Variants in RBFOX1 observed in about 807,000 individuals in gnomAD.
The protein encoded by RBFOX1 is RNA binding fox-1 homolog 1.
RBFOX1 carries 8 observed loss-of-function variants against 57.7 expected under a neutral mutation model. That is an observed-to-expected ratio of 0.14 (90% CI 0.08 to 0.25). RBFOX1 has a LOEUF of 0.25. RBFOX1 is among the 10% of genes least tolerant of loss of function. The probability of loss-of-function intolerance (pLI) is 1.00; values close to 1 mark genes in which losing one functional copy is unlikely to be tolerated. For missense variants in RBFOX1, 611 were observed against 548.5 expected, an observed-to-expected ratio of 1.11 and a Z score of -1.14; for synonymous variants, 326 against 222.4, an observed-to-expected ratio of 1.47 and a Z score of -4.15.
At chr16:7,188,871 A>G (rs1273669362) in intron 4 of RBFOX1, among the ~76,000 whole-genome samples, 1 of 152,152 alleles carries the variant, frequency 6.6e-6, no homozygotes, top group African/African-American at 2.4e-5. Flanking sequence ...ACATCAAGAA[A>G]AAGGTTTAAG....
In RBFOX1 at chr16:6,898,702, G is replaced by A. The variant is rs143117428; in HGVS notation, c.-15-153355G>A. 1.3e-3 allele frequency among the ~76,000 whole-genome samples: 204 copies of A among 152,106 alleles called. 1 individual carries two copies. Among genetic ancestry groups the A allele is most frequent in the Middle Eastern group, 3.4e-3 (1 of 294 alleles). On this transcript the variant is annotated intron_variant, in intron 3 of 15. Transcript: ENST00000550418. The stretch of plus-strand genomic sequence containing the variant: ...TACATGTGTATATACGTGTGTATGT[G>A]TCTATAATATATGTGTGTATGTGTA...
At chr16:7,141,947 G>A (rs1488472103) in intron 4 of RBFOX1, among the ~76,000 whole-genome samples, 3 of 151,970 alleles carry the variant, frequency 2.0e-5, no homozygotes, top group African/African-American at 4.8e-5. Flanking sequence ...ATGTTTCAGC[G>A]GGATCCTATT....
At chr16:6,026,263 G>C (rs2095192013) in intron 1 of RBFOX1, among the ~76,000 whole-genome samples, 1 of 152,180 alleles carries the variant, frequency 6.6e-6, no homozygotes, top group South Asian at 2.1e-4. Flanking sequence ...TGTCTCCTTA[G>C]CATCTAGCGT....
chr16:6,797,877 GTAGC>G (rs2084454681), intron 3 of RBFOX1, among the ~76,000 whole-genome samples: 1 of 152,092 alleles, frequency 6.6e-6, no homozygotes, highest in South Asian at 2.1e-4. Context: ...CTACTAACTG[GTAGC>G]TAGCTGACTT....
intron 4 of RBFOX1, among the ~76,000 whole-genome samples, chr16:7,118,276 G>C (rs959100509): frequency 1.3e-5 from 2 of 152,082 alleles, no homozygotes; most frequent in Non-Finnish European, 2.9e-5. Context: ...TTTAACAGTG[G>C]TCATTCTGGC....
At chr16:6,812,113 A>G (rs2088806944) in intron 3 of RBFOX1, among the ~76,000 whole-genome samples, 1 of 152,154 alleles carries the variant, frequency 6.6e-6, no homozygotes, top group Non-Finnish European at 1.5e-5. Context: ...CCTTCACGAG[A>G]AACTCACTAC....
chr16:7,407,898 C>T (rs1227319008), intron 4 of RBFOX1, among the ~76,000 whole-genome samples: 1 of 152,176 alleles, frequency 6.6e-6, no homozygotes, highest in African/African-American at 2.4e-5. Flanking sequence ...TATGGGAACA[C>T]AGCCATGCCC....
chr16:7,706,807 C>G (rs1239435363), intron 14 of RBFOX1, among the ~76,000 whole-genome samples: 3 of 152,118 alleles, frequency 2.0e-5, no homozygotes, highest in African/African-American at 4.8e-5. Flanking sequence ...AAGAGCAGTA[C>G]CAAGGTTATA....
chr16:5,243,506 G>GGT (rs1450493466), intron 1 of RBFOX1, among the ~76,000 whole-genome samples: 2 of 152,092 alleles, frequency 1.3e-5, no homozygotes, highest in African/African-American at 4.8e-5. Flanking sequence ...TGGTGCTGGT[G>GGT]GGGGCCGTCC....
rs569092265 is a variant in RBFOX1 at position 5,846,558 on chromosome 16, A to G, written c.319-20745A>G. ...GGAGGAATGGAGGCTCAGGTGGGTG[A>G]CCAGGTGTACCTGTGGGTGCACAGC... On this transcript the variant is annotated intron_variant, in intron 3 of 19. Transcript: ENST00000641259. Among the ~76,000 whole-genome samples the G allele has an allele frequency of 1.1e-4, 17 of 152,320 alleles. 2 individuals are homozygous for G. Among genetic ancestry groups the G allele is most frequent in the African/African-American group, 4.1e-4 (17 of 41,582 alleles).
At chr16:7,682,048 A>G (rs2074896822) in intron 14 of RBFOX1, among the ~76,000 whole-genome samples, 1 of 152,104 alleles carries the variant, frequency 6.6e-6, no homozygotes, top group Non-Finnish European at 1.5e-5. Context: ...AAGAACACCA[A>G]CCATGTAATA....
intron 4 of RBFOX1, among the ~76,000 whole-genome samples, chr16:5,931,370 C>A (rs1195890363): frequency 6.6e-6 from 1 of 152,058 alleles, no homozygotes; most frequent in Non-Finnish European, 1.5e-5. Flanking sequence ...CATCACTTGG[C>A]CATATCTGGA....
intron 4 of RBFOX1, among the ~76,000 whole-genome samples, chr16:7,095,429 C>T (rs143038292): frequency 3.9e-5 from 6 of 152,268 alleles, no homozygotes; most frequent in African/African-American, 1.2e-4. Flanking sequence ...TGAGTCACTG[C>T]GGCCAGCTTA....
intron 1 of RBFOX1, among the ~76,000 whole-genome samples, chr16:5,409,286 C>G (rs941996252): frequency 6.6e-6 from 1 of 152,168 alleles, no homozygotes; most frequent in Non-Finnish European, 1.5e-5. Flanking sequence ...GCATACAGCC[C>G]CTAGGGGAGC....
At chr16:5,605,217 T>G (rs1463882034) in intron 3 of RBFOX1, among the ~76,000 whole-genome samples, 1 of 152,210 alleles carries the variant, frequency 6.6e-6, no homozygotes, top group African/African-American at 2.4e-5. Context: ...TGGACTGGAT[T>G]TCATCTCTGA....
chr16:7,387,472 A>G (rs770336247), intron 4 of RBFOX1, among the ~76,000 whole-genome samples: 4 of 152,210 alleles, frequency 2.6e-5, no homozygotes, highest in Non-Finnish European at 5.9e-5. Flanking sequence ...TAGATGTACA[A>G]TAGCTGTCAG....
intron 1 of RBFOX1, among the ~76,000 whole-genome samples, chr16:5,320,601 G>C (rs1173534089): frequency 2.6e-5 from 4 of 152,262 alleles, no homozygotes; most frequent in Non-Finnish European, 5.9e-5. Context: ...TCTTCAGAGA[G>C]AAGTTCTCCT....
At chr16:7,585,559 T>C (rs2094063327) in intron 6 of RBFOX1, among the ~76,000 whole-genome samples, 1 of 152,216 alleles carries the variant, frequency 6.6e-6, no homozygotes. Context: ...GCGTCTGTGA[T>C]TCCCCCGGCT....
chr16:5,806,889 A>C (rs1384812869), intron 3 of RBFOX1, among the ~76,000 whole-genome samples: 2 of 152,170 alleles, frequency 1.3e-5, no homozygotes, highest in African/African-American at 4.8e-5. Context: ...TGCTCTTTCT[A>C]AACCTCTCAG....
Sources: allele counts gnomAD v4.1 joint callset (sites outside exome capture counted in the v4.1 genomes callset), GRCh38; gene constraint gnomAD v4.1.1; transcripts MANE v1.5; gene names NCBI Gene and HGNC (gene_info 2026-07-23, HGNC 2026-07-21).